Variants in RASGRP2 observed in about 807,000 individuals in gnomAD.
RASGRP2 encodes RAS guanyl-releasing protein 2.
RASGRP2 carries 44 observed loss-of-function variants against 71.0 expected under a neutral mutation model. The ratio of observed to expected loss-of-function variants is 0.62; its 90% CI spans 0.49 to 0.80. RASGRP2 has a LOEUF of 0.80. Among genes scored for constraint, RASGRP2 ranks in the 30% least tolerant of loss-of-function variants. The probability of loss-of-function intolerance (pLI) is 0.00; values close to 1 mark genes in which losing one functional copy is unlikely to be tolerated. For missense variants in RASGRP2, 663 were observed against 813.4 expected (o/e 0.82, Z 2.25); for synonymous variants, 350 against 330.7 (o/e 1.06, Z -0.63).
At chr11:64,736,035 C>G (rs776934921) in intron 9 of RASGRP2, 55 bp from the exon 10 acceptor site, 7 of 1,501,804 alleles carry the variant, frequency 4.7e-6, no homozygotes, top group Non-Finnish European at 6.5e-6. Context: ...GCCACAGAGC[C>G]CAGGGCCAAA....
intron 12 of RASGRP2, among the ~76,000 whole-genome samples, chr11:64,732,577 A>C (rs1187014034): frequency 6.6e-6 from 1 of 151,488 alleles, no homozygotes; most frequent in Non-Finnish European, 1.5e-5. Flanking sequence ...GTGGATCACG[A>C]GGTCTGGAGG....
In RASGRP2 at chr11:64,729,764, C is replaced by T. The variant is rs766983672; in HGVS notation, c.1589G>A (p.Arg530Gln). ...CCCTTCCAGTCATTCCATCTCACCT[C>T]GGCATTTGAGGCCCTGCTTGTAGAT... ...LGIYKQGLKC[R>Q]ACGVNCHKQC... Residue 530 changes from arginine to glutamine, a missense_variant and splice_region_variant, in exon 14 of 17, where the codon CGA becomes CAA. Physicochemically the swap from Arg to Gln is conservative, Grantham distance 43 (BLOSUM62 1). Transcript: ENST00000394432. The T allele has an allele frequency of 1.9e-6, 3 of 1,613,970 alleles. No individual in the cohort carries two copies. Among genetic ancestry groups the T allele is most frequent in the South Asian group, 2.2e-5 (2 of 91,086 alleles).
At chr11:64,729,111 C>T in intron 14 of RASGRP2, 69 bp from the exon 15 acceptor site, 3 of 1,472,886 alleles carry the variant, frequency 2.0e-6, no homozygotes, top group Non-Finnish European at 1.8e-6. Context: ...ATCCCGCAGG[C>T]TTGTGCCCCC....
rs763435493 is a variant in RASGRP2 at position 64,727,350 on chromosome 11, C to T, written c.1782G>A (p.Glu594=). ...CATCCTCCACCGTCTGTACCTCCTC[C>T]TCACGGATCTCTGCTGGGAGGGGGA... ...RRGSRPPEIR[E]EEVQTVEDGV... The change falls in exon 16 of 17, where the codon GAG becomes GAA. Residue 594 remains glutamate, a synonymous_variant. Transcript: ENST00000394432. 1.2e-6 allele frequency: 2 copies of T among 1,613,940 alleles called. No individual in the cohort carries two copies. The highest frequency in any genetic ancestry group is 1.7e-6 in the Non-Finnish European group (2 of 1,179,924).
rs1592372097 is a variant in RASGRP2 at position 64,736,982 on chromosome 11, T to C, written c.866A>G (p.Tyr289Cys). The C allele has an allele frequency of 6.2e-7, 1 of 1,613,834 alleles. No homozygotes were observed. Among genetic ancestry groups the C allele is most frequent in the South Asian group, 1.1e-5 (1 of 91,070 alleles). ...LVTATGNYGN[Y>C]RRRLAACVGF... ...CACACAGGCTGCCAGCCGACGCCGG[T>C]AGTTGCCATAGTTGCCTGTCGCCGT... is the stretch of plus-strand genomic sequence containing the variant. Residue 289 changes from tyrosine (Y) to cysteine (C), a missense_variant, in exon 9 of 17, where the codon TAC becomes TGC. Tyr to Cys is a radical substitution (Grantham distance 194, BLOSUM62 -2). Transcript: ENST00000394432.
In RASGRP2 at chr11:64,740,029, G is replaced by A; in HGVS notation, c.506C>T (p.Ser169Phe). 6.2e-7 allele frequency: 1 copy of A among 1,614,094 alleles called. No homozygotes were observed. Among genetic ancestry groups the A allele is most frequent in the Middle Eastern group, 1.6e-4 (1 of 6,062 alleles). ...AEHLTYLEYR[S>F]FCKILFQDYH... Reference sequence around the variant, plus strand: ...GGGCCGCACCAGGATCTTGCAGAAGGAGCGATACTCCAAGTAGGTGAGATG... The same window carrying A: ...GGGCCGCACCAGGATCTTGCAGAAGAAGCGATACTCCAAGTAGGTGAGATG... Residue 169 changes from serine to phenylalanine, a missense_variant, in exon 6 of 17, where the codon TCC becomes TTC. Physicochemically the swap from Ser to Phe is radical, Grantham distance 155. Coordinates refer to ENST00000394432, the MANE Select transcript of RASGRP2 (RefSeq NM_001098671.2).
At chr11:64,737,922 CATAA>C (rs1449482824) in intron 8 of RASGRP2, among the ~76,000 whole-genome samples, 1 of 147,480 alleles carries the variant, frequency 6.8e-6, no homozygotes, top group Non-Finnish European at 1.5e-5. Flanking sequence ...GGTACGAGCC[CATAA>C]TCCCAGCTAC....
In RASGRP2 at chr11:64,739,368, T is replaced by C. The variant is rs756607534; in HGVS notation, c.805A>G (p.Thr269Ala). The C allele has an allele frequency of 5.0e-6, 8 of 1,613,768 alleles. No homozygotes were observed. The highest frequency in any genetic ancestry group is 1.7e-5 in the Admixed American group (1 of 59,984). ...TCCCCAGTCCCAGGCACCTTGATGG[T>C]CTCAGGGCTAACGTGGCTGTGGGTC... ...KETHSHVSPE[T>A]IKLWEGLTEL... Residue 269 changes from threonine (T) to alanine (A), a missense_variant, in exon 8 of 17, where the codon ACC becomes GCC. By Grantham distance (58) the Thr-to-Ala change is moderately conservative (BLOSUM62 0). Transcript: ENST00000394432. The surrounding 1 kb of genome is among the most constrained non-coding windows in gnomAD (Gnocchi z 4.2).
intron 8 of RASGRP2, among the ~76,000 whole-genome samples, chr11:64,737,678 C>CA (rs59836204): frequency 9.8e-4 from 89 of 91,156 alleles, no homozygotes; most frequent in African/African-American, 3.3e-3. Context: ...GACTCCATCT[C>CA]AAAAAAAAAA....
Position 64,741,407 on chromosome 11 carries a change from G to A in RASGRP2, c.239+32C>T, listed in dbSNP as rs745781288. 1.1e-5 allele frequency: 17 copies of A among 1,505,126 alleles called. No homozygotes were observed. In the South Asian group the frequency reaches 2.0e-4, roughly 18 times the overall value. 93.2% of individuals were successfully genotyped at this position (1,505,126 alleles called of 1,614,324 possible). On this transcript the variant is annotated intron_variant, in intron 4 of 16. Coordinates refer to ENST00000394432, the MANE Select transcript of RASGRP2 (RefSeq NM_001098671.2). ...TGAAGCCAGAGAGAAGGGAGAAAGG[G>A]GAGGGGCTAGAGCCCCAGGGGAAAG...
chr11:64,727,480 A>C (rs1008586024), intron 15 of RASGRP2, 120 bp from the exon 16 acceptor site: 1 of 826,118 alleles, frequency 1.2e-6, no homozygotes, highest in Non-Finnish European at 2.0e-6. Flanking sequence ...ACCAAAAATC[A>C]ATTCCCTGCA....
In RASGRP2 at chr11:64,735,327, T is replaced by C; in HGVS notation, c.1297-100A>G. 1 of 1,252,052 alleles carries C rather than the reference T, an allele frequency of 8.0e-7. No individual in the cohort carries two copies. The highest frequency in any genetic ancestry group is 1.2e-6 in the Non-Finnish European group (1 of 860,992). 77.6% of individuals were successfully genotyped at this position (1,252,052 alleles called of 1,614,324 possible). A position where few individuals can be genotyped will look rare whatever the true frequency, so the allele number is the denominator to read the frequency against. The stretch of plus-strand genomic sequence containing the variant: ...CGTTCCCAGTCCATTTGATGAGGTG[T>C]GTCTCAGAGAGGTCTCTGACACCAC... On this transcript the variant is annotated intron_variant, in intron 11 of 16. Coordinates refer to ENST00000394432, the MANE Select transcript of RASGRP2 (RefSeq NM_001098671.2). This position sits in a 1 kb window ranked among gnomAD's most constrained non-coding sequence, Gnocchi z 4.2.
chr11:64,736,618 A>C, intron 9 of RASGRP2, 135 bp downstream of exon 9: 1 of 1,028,704 alleles, frequency 9.7e-7, no homozygotes, highest in Non-Finnish European at 1.4e-6. Context: ...CATCCACTCC[A>C]AACCCCAGAG....
intron 13 of RASGRP2, 88 bp from the exon 14 acceptor site, chr11:64,729,886 A>T (rs1467306451): frequency 6.3e-7 from 1 of 1,585,704 alleles, no homozygotes. Flanking sequence ...CTAGGGCTTT[A>T]GAGCCCGCCT....
In RASGRP2 at chr11:64,742,667, G is replaced by A. The variant is rs529751278; in HGVS notation, c.73+127C>T. On this transcript the variant is annotated intron_variant, in intron 2 of 16. Transcript: ENST00000394432. This position sits in a 1 kb window ranked among gnomAD's most constrained non-coding sequence, Gnocchi z 4.7. ...TTGCGGAGGAGGCTTTCGTTAAAGA[G>A]ACTGCACGCTGCGGAGCAGGGTGGG... 8 of 1,276,240 alleles carry A rather than the reference G, an allele frequency of 6.3e-6. No homozygotes were observed. Among genetic ancestry groups the A allele is most frequent in the South Asian group, 1.3e-5 (1 of 78,518 alleles). The allele number at this position is 1,276,240 out of a possible 1,614,324, so 79.1% of individuals were successfully genotyped here.
In RASGRP2 at chr11:64,736,071, CT is replaced by C. The variant is rs33956572; in HGVS notation, c.1096-92del. On this transcript the variant is annotated intron_variant, in intron 9 of 16. Coordinates refer to ENST00000394432, the MANE Select transcript of RASGRP2 (RefSeq NM_001098671.2). ...GGTCGACCTAGAGGCCACAGCTCAG[CT>C]CAGAGCTCGGGTCAGAAGCTAGACT... is the stretch of plus-strand genomic sequence containing the variant. 0.85 allele frequency: 873,399 copies of C among 1,029,654 alleles called. 378,250 individuals carry two copies. Among genetic ancestry groups the C allele is most frequent in the Non-Finnish European group, 0.91 (603,994 of 665,906 alleles). 63.8% of individuals were successfully genotyped at this position (1,029,654 alleles called of 1,614,324 possible). A position where few individuals can be genotyped will look rare whatever the true frequency, so the allele number is the denominator to read the frequency against.
At chr11:64,731,839 G>A (rs1040805698) in intron 12 of RASGRP2, among the ~76,000 whole-genome samples, 3 of 152,164 alleles carry the variant, frequency 2.0e-5, no homozygotes, top group South Asian at 2.1e-4. Context: ...GCTGATGGGG[G>A]TGCAAACTGG....
rs543116501 is a variant in RASGRP2 at position 64,741,645 on chromosome 11, C to T, written c.177-144G>A. On this transcript the variant is annotated intron_variant, in intron 3 of 16. Coordinates refer to ENST00000394432, the MANE Select transcript of RASGRP2 (RefSeq NM_001098671.2). The stretch of plus-strand genomic sequence containing the variant: ...GGAGATGCTGGGGGTGAGGCTTGAG[C>T]TCTGGGAGGGGTTGGAGGTGGGGGT... The T allele has an allele frequency of 1.2e-4, 93 of 794,576 alleles. No individual in the cohort carries two copies. The African/African-American group carries it at 1.5e-3, about 13-fold the overall frequency. 49.2% of individuals were successfully genotyped at this position (794,576 alleles called of 1,614,324 possible).
intron 12 of RASGRP2, among the ~76,000 whole-genome samples, chr11:64,734,299 G>A (rs951728893): frequency 6.6e-6 from 1 of 151,288 alleles, no homozygotes; most frequent in Non-Finnish European, 1.5e-5. Flanking sequence ...GCAACAGAGT[G>A]AGACTCTGTC....
Sources: gnomAD v4.1 joint callset for allele counts (sites outside exome capture counted in the v4.1 genomes callset) on GRCh38, gnomAD v4.1.1 for gene constraint, Gnocchi (gnomAD v3.1) non-coding constraint, MANE v1.5 for transcripts, NCBI Gene and HGNC (gene_info 2026-07-23, HGNC 2026-07-21) for gene names.